The following ASAP1 variants were observed in gnomAD, a reference collection of about 807,000 sequenced individuals.
ASAP1 encodes the protein arf-GAP with SH3 domain, ANK repeat and PH domain-containing protein 1.
A neutral mutation model predicts 145.2 loss-of-function variants in ASAP1; 43 were observed. That is an observed-to-expected ratio of 0.30 (90% CI 0.23 to 0.38). The LOEUF is 0.38. Among genes scored for constraint, ASAP1 ranks in the 10% least tolerant of loss-of-function variants. ASAP1 has a pLI of 1.00. For missense variants in ASAP1, 1,018 were observed against 1,355.3 expected (o/e 0.75, Z 3.91); for synonymous variants, 546 against 515.5 (o/e 1.06, Z -0.80).
At position 130,201,441 on chromosome 8, in the gene ASAP1, A is replaced by G. The variant is rs187626503; in HGVS notation, c.405+13115T>C. On this transcript the variant is annotated intron_variant, in intron 5 of 29. Transcript: ENST00000518721. ...TGGGTAGGTCTAAGAGTACCAGGGA[A>G]TATGAGAATTCCTTAACTTAAAATA... 1.5e-3 allele frequency among the ~76,000 whole-genome samples: 225 copies of G among 152,382 alleles called. 1 individual carries two copies. The highest frequency in any genetic ancestry group is 5.2e-3 in the African/African-American group (218 of 41,590).
intron 2 of ASAP1, among the ~76,000 whole-genome samples, chr8:130,368,046 G>T (rs930876470): frequency 1.3e-5 from 2 of 151,878 alleles, no homozygotes; most frequent in Non-Finnish European, 2.9e-5. Flanking sequence ...CACACTAGGG[G>T]CTCTAATTCA....
At chr8:130,101,504 G>A (rs1158125827) in intron 24 of ASAP1, among the ~76,000 whole-genome samples, 1 of 151,722 alleles carries the variant, frequency 6.6e-6, no homozygotes, top group Non-Finnish European at 1.5e-5. Context: ...CACCTCCTTG[G>A]TTAGATTTAT....
Position 130,370,956 on chromosome 8 carries a change from T to C in ASAP1, c.60-12813A>G, listed in dbSNP as rs568245611. ...TTCTTGTGAGGAGTGACAAAAATGT[T>C]CTGGAAATAGACAATGGTGATAGTT... On this transcript the variant is annotated intron_variant, in intron 2 of 29. Transcript: ENST00000518721. Among the ~76,000 whole-genome samples, 11 of 152,298 alleles carry C rather than the reference T, an allele frequency of 7.2e-5. No individual in the cohort carries two copies. In the South Asian group the frequency reaches 2.3e-3, roughly 32 times the overall value.
At chr8:130,420,235 TACACACACACACACACACACACACAC>T (rs34138357) in intron 1 of ASAP1, among the ~76,000 whole-genome samples, 1 of 139,318 alleles carries the variant, frequency 7.2e-6, no homozygotes, top group African/African-American at 2.7e-5. Flanking sequence ...CATAATGAAA[TACACACACACACACACACACACACAC>T]ACACACACAC....
intron 1 of ASAP1, among the ~76,000 whole-genome samples, chr8:130,441,017 C>T (rs1373728253): frequency 6.6e-6 from 1 of 152,192 alleles, no homozygotes; most frequent in Admixed American, 6.5e-5. Context: ...TTTCGTCCAC[C>T]ACTGTATCAT....
At chr8:130,321,524 C>T (rs958630994) in intron 3 of ASAP1, among the ~76,000 whole-genome samples, 2 of 152,124 alleles carry the variant, frequency 1.3e-5, no homozygotes, top group Non-Finnish European at 2.9e-5. Flanking sequence ...ATGGAAATCT[C>T]CAGCTTTTCC....
At chr8:130,338,475 C>T (rs1483357142) in intron 3 of ASAP1, among the ~76,000 whole-genome samples, 1 of 152,202 alleles carries the variant, frequency 6.6e-6, no homozygotes, top group African/African-American at 2.4e-5. Context: ...AAAGACAGGA[C>T]TCTCCTTCCA....
intron 4 of ASAP1, 108 bp downstream of exon 4, chr8:130,236,814 T>C: frequency 1.3e-6 from 1 of 797,988 alleles, no homozygotes; most frequent in Non-Finnish European, 1.9e-6. Flanking sequence ...CTACTTACTT[T>C]TCCATTTGTG....
intron 5 of ASAP1, among the ~76,000 whole-genome samples, chr8:130,196,168 C>T (rs1433445483): frequency 2.0e-5 from 3 of 152,106 alleles, no homozygotes; most frequent in Admixed American, 1.3e-4. Flanking sequence ...GTGGTGAAAC[C>T]CCATCTCTAC....
chr8:130,177,724 A>G lies in ASAP1; in HGVS notation c.746+1540T>C, dbSNP rs148314249. Among the ~76,000 whole-genome samples, 58 of 152,354 alleles carry G rather than the reference A, an allele frequency of 3.8e-4. 2 individuals carry two copies. The East Asian group carries it at 0.01, about 27-fold the overall frequency. ...AAAAAAGTTATCATCAAATTTATGT[A>G]AACAACAATTTGATCATCAAAAAGG... On this transcript the variant is annotated intron_variant, in intron 9 of 29. Coordinates refer to ENST00000518721, the MANE Select transcript of ASAP1 (RefSeq NM_018482.4).
intron 5 of ASAP1, among the ~76,000 whole-genome samples, chr8:130,204,664 A>T (rs1308487983): frequency 6.6e-6 from 1 of 152,152 alleles, no homozygotes; most frequent in Admixed American, 6.5e-5. Flanking sequence ...AAGTATGCAT[A>T]CGCTTCTCTA....
At chr8:130,129,621 T>C (rs571107061) in intron 15 of ASAP1, among the ~76,000 whole-genome samples, 1 of 152,328 alleles carries the variant, frequency 6.6e-6, no homozygotes, top group African/African-American at 2.4e-5. Context: ...TTGTATATCG[T>C]TGAATGAAAT....
chr8:130,076,527 T>C (rs1366263846), intron 26 of ASAP1, 121 bp from the exon 27 acceptor site: 1 of 788,088 alleles, frequency 1.3e-6, no homozygotes, highest in Non-Finnish European at 2.0e-6. Context: ...CTTTCAAAAT[T>C]TCCTTTTTTT....
At chr8:130,353,538 T>C (rs1342726986) in intron 3 of ASAP1, among the ~76,000 whole-genome samples, 2 of 152,192 alleles carry the variant, frequency 1.3e-5, no homozygotes, top group African/African-American at 4.8e-5. Flanking sequence ...TTTGTAGACA[T>C]TTAGAATACC....
At chr8:130,300,177 G>A (rs1291015021) in intron 3 of ASAP1, among the ~76,000 whole-genome samples, 1 of 149,148 alleles carries the variant, frequency 6.7e-6, no homozygotes, top group Non-Finnish European at 1.5e-5. Flanking sequence ...GAGAGAGAGA[G>A]AGAGAGAGAG....
chr8:130,276,760 T>TCTCTCTCTCCCTCTCTCTCTCTCTCTCC (rs1333515760), intron 3 of ASAP1, among the ~76,000 whole-genome samples: 1 of 130,332 alleles, frequency 7.7e-6, no homozygotes, highest in Admixed American at 7.7e-5. Flanking sequence ...TCTCTCTCTC[T>TCTCTCTCTCCCTCTCTCTCTCTCTCTCC]CCTCTAACAA....
chr8:130,139,380 A>G (rs2097603994), intron 13 of ASAP1, among the ~76,000 whole-genome samples: 1 of 152,228 alleles, frequency 6.6e-6, no homozygotes. Flanking sequence ...TATGCATAAT[A>G]AGAGGTTTCA....
At chr8:130,318,344 A>G (rs1565203113) in intron 3 of ASAP1, among the ~76,000 whole-genome samples, 4 of 152,158 alleles carry the variant, frequency 2.6e-5, no homozygotes, top group Admixed American at 2.0e-4. Context: ...GGCCTCCCAA[A>G]GTGTTGGGAT....
chr8:130,130,782 G>A (rs73425373), intron 15 of ASAP1, among the ~76,000 whole-genome samples: 30,796 of 151,982 alleles, frequency 0.2, 3,199 homozygotes, highest in South Asian at 0.32. Context: ...CATAGTGCAC[G>A]TATGTAGTCC....
Sources: gnomAD v4.1 joint callset for allele counts (sites outside exome capture counted in the v4.1 genomes callset) on GRCh38, gnomAD v4.1.1 for gene constraint, MANE v1.5 for transcripts, NCBI Gene and HGNC (gene_info 2026-07-23, HGNC 2026-07-21) for gene names.